The following PTPRM variants were observed in gnomAD, a reference collection of about 807,000 sequenced individuals.
PTPRM encodes the protein protein tyrosine phosphatase receptor type M.
A neutral mutation model predicts 186.7 loss-of-function variants in PTPRM; 47 were observed. The observed-to-expected ratio is 0.25, with a 90% CI of 0.20 to 0.32. The LOEUF (loss-of-function observed/expected upper bound fraction) is 0.32. PTPRM is among the 10% of genes least tolerant of loss of function. The probability of loss-of-function intolerance (pLI) is 1.00; values close to 1 mark genes in which losing one functional copy is unlikely to be tolerated. For synonymous variants in PTPRM, 668 were observed against 674.9 expected, an observed-to-expected ratio of 0.99 and a Z score of 0.16; for missense variants, 1,494 against 1,865.0, an observed-to-expected ratio of 0.80 and a Z score of 3.66.
In PTPRM at chr18:7,589,429, G is replaced by A. The variant is rs568563833; in HGVS notation, c.73+21538G>A. On this transcript the variant is annotated intron_variant, in intron 1 of 32. Transcript: ENST00000580170. ...TGTACCCCTGAGTTTCCATAGCCACGGAGTGTGGCTCTGCTGGGACTCTCA... is the reference window on the plus strand; with the variant it reads ...TGTACCCCTGAGTTTCCATAGCCACAGAGTGTGGCTCTGCTGGGACTCTCA... 7.9e-5 allele frequency among the ~76,000 whole-genome samples: 12 copies of A among 152,248 alleles called. No homozygotes were observed. The South Asian group carries it at 8.3e-4, about 11-fold the overall frequency.
At chr18:7,700,993 A>AGAAAG (rs1555654264) in intron 1 of PTPRM, among the ~76,000 whole-genome samples, 102 of 107,336 alleles carry the variant, frequency 9.5e-4, no homozygotes, top group East Asian at 3.0e-3. Flanking sequence ...AAAAAAAAAA[A>AGAAAG]AAAGAAAGAA....
At chr18:8,289,607 C>CAT (rs1207946997) in intron 19 of PTPRM, among the ~76,000 whole-genome samples, 4 of 106,142 alleles carry the variant, frequency 3.8e-5, no homozygotes, top group East Asian at 4.7e-4. Flanking sequence ...TATATACACA[C>CAT]ATATATATAT....
rs2047991954 is a variant in PTPRM at position 7,871,719 on chromosome 18, GT to G, written c.197-16386del. On this transcript the variant is annotated intron_variant, in intron 2 of 32. Transcript: ENST00000580170. ...ACCCCACCTCCCTGAGCTAGCTTCA[GT>G]GCCACTTTTGTGTGTGCCCTCAGTG... is the stretch of plus-strand genomic sequence containing the variant. Among the ~76,000 whole-genome samples the G allele has an allele frequency of 1.3e-5, 2 of 152,160 alleles. 1 individual carries two copies. The highest frequency in any genetic ancestry group is 4.1e-4 in the South Asian group (2 of 4,832).
chr18:8,125,262 G>C (rs914966904), intron 13 of PTPRM, among the ~76,000 whole-genome samples: 1 of 151,742 alleles, frequency 6.6e-6, no homozygotes, highest in Non-Finnish European at 1.5e-5. Context: ...TTCATTGAAC[G>C]GCCCAGTTGT....
chr18:7,893,516 G>A (rs113806605), intron 3 of PTPRM, among the ~76,000 whole-genome samples: 235 of 152,274 alleles, frequency 1.5e-3, no homozygotes, highest in Non-Finnish European at 2.8e-3. Flanking sequence ...GGAAGAAGAA[G>A]ATCAGAGCAA....
At chr18:7,871,041 G>C (rs1340214311) in intron 2 of PTPRM, among the ~76,000 whole-genome samples, 1 of 152,200 alleles carries the variant, frequency 6.6e-6, no homozygotes, top group East Asian at 1.9e-4. Context: ...AAAACACCAA[G>C]CTGTAAAGGA....
intron 7 of PTPRM, among the ~76,000 whole-genome samples, chr18:7,985,050 T>TAA (rs1568131583): frequency 7.9e-6 from 1 of 127,086 alleles, no homozygotes; most frequent in East Asian, 2.2e-4. Flanking sequence ...TACATATAAT[T>TAA]ATATATACAT....
intron 1 of PTPRM, among the ~76,000 whole-genome samples, chr18:7,620,619 T>A (rs371658717): frequency 1.5e-4 from 23 of 152,300 alleles, no homozygotes; most frequent in African/African-American, 5.5e-4. Flanking sequence ...TGTTTTCCAC[T>A]CTTCACAAAA....
intron 1 of PTPRM, among the ~76,000 whole-genome samples, chr18:7,708,160 A>G (rs2040135096): frequency 6.6e-6 from 1 of 152,196 alleles, no homozygotes; most frequent in Admixed American, 6.5e-5. Flanking sequence ...CAGAGGTTCA[A>G]GTATATATAT....
chr18:7,877,391 T>C (rs2048298490), intron 2 of PTPRM, among the ~76,000 whole-genome samples: 1 of 152,214 alleles, frequency 6.6e-6, no homozygotes, highest in African/African-American at 2.4e-5. Context: ...GTTGGTAACC[T>C]GTGTAATCGC....
At chr18:8,079,921 A>T (rs1243853700) in intron 9 of PTPRM, among the ~76,000 whole-genome samples, 3 of 152,144 alleles carry the variant, frequency 2.0e-5, no homozygotes, top group Admixed American at 2.0e-4. Context: ...GAGACCTGCT[A>T]CGTAGTAATA....
chr18:8,037,699 TAA>T (rs554425192), intron 7 of PTPRM, among the ~76,000 whole-genome samples: 93 of 152,300 alleles, frequency 6.1e-4, no homozygotes, highest in African/African-American at 2.2e-3. Flanking sequence ...TGTAAAATCT[TAA>T]GTGAGTTAAT....
chr18:8,393,244 C>T (rs2095826324), intron 31 of PTPRM, among the ~76,000 whole-genome samples: 1 of 152,204 alleles, frequency 6.6e-6, no homozygotes, highest in Admixed American at 6.5e-5. Flanking sequence ...GGAACATCCC[C>T]TCTCTGGTTT....
In PTPRM at chr18:7,930,842, A is replaced by C. The variant is rs185139653; in HGVS notation, c.663+4159A>C. On this transcript the variant is annotated intron_variant, in intron 5 of 32. Transcript: ENST00000580170. Reference sequence around the variant, plus strand: ...TCTTTCACAATAACGTAACGTAAATAAATCTGATGATGACACTAATGAAGA... The same window carrying C: ...TCTTTCACAATAACGTAACGTAAATCAATCTGATGATGACACTAATGAAGA... 3.3e-5 allele frequency among the ~76,000 whole-genome samples: 5 copies of C among 152,246 alleles called. No individual in the cohort carries two copies. The East Asian group carries it at 9.7e-4, about 29-fold the overall frequency.
intron 2 of PTPRM, among the ~76,000 whole-genome samples, chr18:7,886,820 A>G (rs7242875): frequency 0.15 from 23,276 of 152,194 alleles, 2,984 homozygotes; most frequent in African/African-American, 0.35. Flanking sequence ...TTTAACAACA[A>G]CCTCTTAATC....
chr18:8,086,748 G>A (rs2145290518), intron 10 of PTPRM, among the ~76,000 whole-genome samples: 1 of 152,134 alleles, frequency 6.6e-6, no homozygotes, highest in South Asian at 2.1e-4. Flanking sequence ...TTGAAGGAAA[G>A]GAATATTCAC....
intron 2 of PTPRM, among the ~76,000 whole-genome samples, chr18:7,834,489 T>TATACACACACACACAC (rs1567889362): frequency 2.6e-4 from 1 of 3,796 alleles, no homozygotes; most frequent in East Asian, 2.9e-3. Context: ...AATATACAAG[T>TATACACACACACACAC]ATACACACAC....
chr18:8,363,215 T>C (rs534338684), intron 23 of PTPRM, among the ~76,000 whole-genome samples: 1 of 152,286 alleles, frequency 6.6e-6, no homozygotes, highest in South Asian at 2.1e-4. Flanking sequence ...ACGTTATGTG[T>C]TTGTAAAATA....
intron 24 of PTPRM, among the ~76,000 whole-genome samples, chr18:8,375,245 C>T (rs1370253460): frequency 2.0e-5 from 3 of 152,216 alleles, no homozygotes; most frequent in Non-Finnish European, 4.4e-5. Flanking sequence ...ATTTACTGAC[C>T]TAGCCTAGAA....
Sources: allele counts gnomAD v4.1 joint callset (sites outside exome capture counted in the v4.1 genomes callset), GRCh38; gene constraint gnomAD v4.1.1; transcripts MANE v1.5; gene names NCBI Gene and HGNC (gene_info 2026-07-23, HGNC 2026-07-21).